The following MGAT4C variants were observed in gnomAD, a reference collection of about 807,000 sequenced individuals.
MGAT4C encodes MGAT4 family member C, also known as alpha-1,3-mannosyl-glycoprotein 4-beta-N-acetylglucosaminyltransferase C.
A neutral mutation model predicts 40.1 loss-of-function variants in MGAT4C; 19 were observed. That is an observed-to-expected ratio of 0.47 (90% confidence interval 0.33 to 0.70). The LOEUF is 0.70. Among genes scored for constraint, MGAT4C ranks in the 30% least tolerant of loss-of-function variants. The pLI, the probability that MGAT4C is intolerant of heterozygous loss-of-function variation, is 0.02. For missense variants in MGAT4C, 491 were observed against 563.2 expected (o/e 0.87, Z 1.30); for synonymous variants, 181 against 187.1 (o/e 0.97, Z 0.27).
chr12:86,237,013 TA>T (rs966634213), intron 1 of MGAT4C, among the ~76,000 whole-genome samples: 23 of 150,278 alleles, frequency 1.5e-4, no homozygotes, highest in African/African-American at 5.6e-4. Context: ...TTAATATTTA[TA>T]TATATATATG....
intron 2 of MGAT4C, among the ~76,000 whole-genome samples, chr12:86,465,689 A>G (rs1223248207): frequency 6.6e-6 from 1 of 152,180 alleles, no homozygotes; most frequent in Non-Finnish European, 1.5e-5. Context: ...GATACCCTGC[A>G]AGCCTATTAG....
At chr12:86,099,292 T>G (rs1874507814) in intron 1 of MGAT4C, among the ~76,000 whole-genome samples, 1 of 151,452 alleles carries the variant, frequency 6.6e-6, no homozygotes, top group Non-Finnish European at 1.5e-5. Context: ...CTTTCATCTT[T>G]TCTTCTGAGA....
intron 1 of MGAT4C, among the ~76,000 whole-genome samples, chr12:86,130,701 C>T (rs1205789581): frequency 6.6e-6 from 1 of 152,034 alleles, no homozygotes; most frequent in East Asian, 1.9e-4. Context: ...TATAATAATA[C>T]ATCCATTACA....
At chr12:86,504,331 T>G (rs759609260) in intron 2 of MGAT4C, among the ~76,000 whole-genome samples, 2 of 152,086 alleles carry the variant, frequency 1.3e-5, no homozygotes, top group Non-Finnish European at 1.5e-5. Context: ...TGTAAAGACA[T>G]GTGCTAGAAT....
intron 2 of MGAT4C, among the ~76,000 whole-genome samples, chr12:86,626,439 C>T (rs1593056445): frequency 6.6e-6 from 1 of 152,180 alleles, no homozygotes; most frequent in East Asian, 1.9e-4. Context: ...AATCAGACAA[C>T]CTTAATATGT....
chr12:86,679,515 G>T (rs184703465), intron 2 of MGAT4C, among the ~76,000 whole-genome samples: 2 of 152,008 alleles, frequency 1.3e-5, no homozygotes, highest in Middle Eastern at 3.4e-3. Flanking sequence ...TTTCTTTAGG[G>T]ACTGCAATAG....
At chr12:86,779,659 A>G (rs1249708855) in intron 1 of MGAT4C, among the ~76,000 whole-genome samples, 1 of 152,030 alleles carries the variant, frequency 6.6e-6, no homozygotes, top group Non-Finnish European at 1.5e-5. Context: ...TACTCCTGTA[A>G]TCCCATCACT....
At chr12:86,520,987 A>G (rs1592946991) in intron 2 of MGAT4C, among the ~76,000 whole-genome samples, 1 of 152,196 alleles carries the variant, frequency 6.6e-6, no homozygotes, top group East Asian at 1.9e-4. Context: ...CCAGATATAT[A>G]GTTTGACAAT....
chr12:86,156,512 G>A (rs1449622728), intron 1 of MGAT4C, among the ~76,000 whole-genome samples: 2 of 152,018 alleles, frequency 1.3e-5, no homozygotes, highest in Non-Finnish European at 2.9e-5. Context: ...GTAGAGATGG[G>A]GTTTCTCTGT....
At chr12:86,628,981 G>T (rs966968615) in intron 2 of MGAT4C, among the ~76,000 whole-genome samples, 2 of 151,924 alleles carry the variant, frequency 1.3e-5, no homozygotes, top group Non-Finnish European at 2.9e-5. Flanking sequence ...ACCCATCAGC[G>T]CTATTAGTGC....
chr12:86,733,497 G>A (rs1002576797), intron 1 of MGAT4C, among the ~76,000 whole-genome samples: 1 of 152,104 alleles, frequency 6.6e-6, no homozygotes, highest in African/African-American at 2.4e-5. Context: ...GAAAGGGTCT[G>A]TGATTGTGAT....
In MGAT4C at chr12:86,342,093, T is replaced by C. The variant is rs1347575170; in HGVS notation, c.-119-7966A>G. Among the ~76,000 whole-genome samples the C allele has an allele frequency of 4.6e-5, 7 of 152,182 alleles. No homozygotes were observed. In the East Asian group the frequency reaches 1.4e-3, roughly 30 times the overall value. On this transcript the variant is annotated intron_variant, in intron 3 of 7. Transcript: ENST00000548651. Reference sequence around the variant, plus strand: ...TCAACTGGGGTCTCCAGCCATTTCTTATACATGCTTATAGGCTGGCAACAG... The same window carrying C: ...TCAACTGGGGTCTCCAGCCATTTCTCATACATGCTTATAGGCTGGCAACAG...
Position 86,647,023 on chromosome 12 carries a change from C to T in MGAT4C, c.-229+80186G>A, listed in dbSNP as rs540325238. Among the ~76,000 whole-genome samples the T allele has an allele frequency of 8.6e-5, 13 of 151,886 alleles. No homozygotes were observed. In the South Asian group the frequency reaches 2.5e-3, roughly 29 times the overall value. On this transcript the variant is annotated intron_variant, in intron 2 of 7. Coordinates refer to the MGAT4C transcript ENST00000548651. ...GCTTGGCCAGTCTTGCTGTTGACAA[C>T]GTTGGACTATCACGTAATGAAGCCC... is the stretch of plus-strand genomic sequence containing the variant.
At chr12:86,427,791 A>G (rs1956957714) in intron 3 of MGAT4C, among the ~76,000 whole-genome samples, 1 of 152,076 alleles carries the variant, frequency 6.6e-6, no homozygotes, top group Non-Finnish European at 1.5e-5. Flanking sequence ...GAGGCTGAGG[A>G]GGGTGGATCA....
chr12:86,527,929 G>C (rs1389842451), intron 2 of MGAT4C, among the ~76,000 whole-genome samples: 1 of 152,074 alleles, frequency 6.6e-6, no homozygotes, highest in Non-Finnish European at 1.5e-5. Context: ...TGAAAGTGAG[G>C]CAGGTGATGA....
chr12:86,239,939 G>A (rs1222545267), intron 1 of MGAT4C, among the ~76,000 whole-genome samples: 1 of 150,534 alleles, frequency 6.6e-6, no homozygotes, highest in African/African-American at 2.4e-5. Flanking sequence ...TGACACGTTA[G>A]TGGGTGCAGC....
chr12:86,698,512 T>C (rs929097794), intron 2 of MGAT4C, among the ~76,000 whole-genome samples: 5 of 152,230 alleles, frequency 3.3e-5, no homozygotes, highest in South Asian at 4.1e-4. Context: ...GGCAATGTAA[T>C]GCAATCTCTT....
chr12:86,291,582 T>C (rs540111044), intron 4 of MGAT4C, among the ~76,000 whole-genome samples: 17 of 152,318 alleles, frequency 1.1e-4, no homozygotes, highest in Admixed American at 7.8e-4. Context: ...TTCTCGTGTT[T>C]TCCAAATGCG....
intron 1 of MGAT4C, among the ~76,000 whole-genome samples, chr12:86,124,880 G>A (rs1158973397): frequency 3.3e-5 from 5 of 152,098 alleles, no homozygotes; most frequent in African/African-American, 1.2e-4. Flanking sequence ...TTCTGGGTCT[G>A]TCCCCAGTCT....
Sources: gnomAD v4.1 joint callset for allele counts (sites outside exome capture counted in the v4.1 genomes callset) on GRCh38, gnomAD v4.1.1 for gene constraint, MANE v1.5 for transcripts, NCBI Gene and HGNC (gene_info 2026-07-23, HGNC 2026-07-21) for gene names.